FN3K: variants seen among roughly 807,000 people sequenced by gnomAD.
FN3K encodes the protein fructosamine 3 kinase, also known as fructosamine-3-kinase.
In FN3K, 24 loss-of-function variants were observed where a neutral mutation model predicts 24.8. The ratio of observed to expected loss-of-function variants is 0.97; its 90% CI spans 0.70 to 1.36. The LOEUF (loss-of-function observed/expected upper bound fraction) is 1.36, where lower values mean the gene tolerates loss of function less well. Ranked by LOEUF, FN3K falls within the 40% of genes most tolerant of loss-of-function variation. The pLI, the probability that FN3K is intolerant of heterozygous loss-of-function variation, is 0.00. For missense variants in FN3K, 449 were observed against 416.7 expected (o/e 1.08, Z -0.67); for synonymous variants, 192 against 175.2 (o/e 1.10, Z -0.76).
Position 82,750,892 on chromosome 17 carries a change from C to T in FN3K, c.*137C>T. 4.0e-6 allele frequency: 2 copies of T among 503,830 alleles called. No homozygotes were observed. The highest frequency in any genetic ancestry group is 3.4e-6 in the Non-Finnish European group (1 of 294,084). The allele number at this position is 503,830 out of a possible 1,614,324, so 31.2% of individuals were successfully genotyped here. A position where few individuals can be genotyped will look rare whatever the true frequency, so the allele number is the denominator to read the frequency against. On this transcript the variant is annotated 3_prime_UTR_variant, in exon 6 of 6. Transcript: ENST00000300784. ...CGTCCCTCCGTCTCCATCCCCCCGT[C>T]CCCCCATCCTCCTGTCCCCGTCCCC...
chr17:82,744,315 C>T (rs1451178702), intron 4 of FN3K, among the ~76,000 whole-genome samples: 4 of 152,122 alleles, frequency 2.6e-5, no homozygotes, highest in Non-Finnish European at 5.9e-5. Flanking sequence ...ATAAATTGCA[C>T]CCATTTAAAA....
chr17:82,747,955 T>C (rs1213931546), intron 4 of FN3K, among the ~76,000 whole-genome samples: 1 of 152,200 alleles, frequency 6.6e-6, no homozygotes, highest in African/African-American at 2.4e-5. Context: ...ATTGAGTCAA[T>C]AGCAGGATAT....
At chr17:82,748,658 T>C (rs1050249711) in intron 4 of FN3K, among the ~76,000 whole-genome samples, 197 bp from the exon 5 acceptor site, 2 of 152,214 alleles carry the variant, frequency 1.3e-5, no homozygotes, top group African/African-American at 4.8e-5. Flanking sequence ...TCTGTCATCT[T>C]GCAATTTGTT....
At chr17:82,741,891 A>G (rs578138620) in intron 4 of FN3K, among the ~76,000 whole-genome samples, 1 of 152,212 alleles carries the variant, frequency 6.6e-6, no homozygotes, top group African/African-American at 2.4e-5. Context: ...ACTCCAGAAC[A>G]TTTTCTTTCT....
intron 4 of FN3K, chr17:82,745,315 A>G (rs183731962): frequency 1.7e-4 from 31 of 184,392 alleles, no homozygotes; most frequent in Admixed American, 1.6e-3. Context: ...CCCTTAATCC[A>G]TTTAACCCTG....
intron 4 of FN3K, among the ~76,000 whole-genome samples, chr17:82,746,790 A>G (rs1225045382): frequency 6.6e-6 from 1 of 152,010 alleles, no homozygotes; most frequent in African/African-American, 2.4e-5. Context: ...GGCAACAAGA[A>G]CAAAACTTGG....
chr17:82,736,312 G>C (rs2046900707), intron 1 of FN3K: 1 of 152,532 alleles, frequency 6.6e-6, no homozygotes, highest in Non-Finnish European at 1.5e-5. Context: ...GAGGTGAGTG[G>C]ATCCCTGAGG....
intron 2 of FN3K, among the ~76,000 whole-genome samples, chr17:82,738,942 ATATATTT>A (rs754023843): frequency 3.7e-5 from 4 of 106,716 alleles, no homozygotes; most frequent in African/African-American, 8.3e-5. Context: ...ATATATATAT[ATATATTT>A]TTTTTTTTTT....
chr17:82,746,804 C>CA lies in FN3K; in HGVS notation c.469-2041dup, dbSNP rs200854197. Reference sequence around the variant, plus strand: ...GGGCAACAAGAACAAAACTTGGTCTCAAAAAAAAAATTTCCTTATTATCCT... The same window carrying CA: ...GGGCAACAAGAACAAAACTTGGTCTCAAAAAAAAAAATTTCCTTATTATCCT... On this transcript the variant is annotated intron_variant, in intron 4 of 5. Transcript: ENST00000300784. Among the ~76,000 whole-genome samples, 1,403 of 148,982 alleles carry CA rather than the reference C, an allele frequency of 9.4e-3. 19 individuals carry two copies. Among genetic ancestry groups the CA allele is most frequent in the African/African-American group, 0.033 (1,354 of 40,692 alleles).
At position 82,735,744 on chromosome 17, in the gene FN3K, C is replaced by T. The variant is rs1477262041; in HGVS notation, c.108C>T (p.Gly36=). ...SEGRAYDTDA[G]PVFVKVNRRT... is the part of the protein sequence containing the mutation. Reference sequence around the variant, plus strand: ...GCCGAGCCTACGACACGGACGCAGGCCCAGTGTTCGTCAAAGTCAACCGCA... The same window carrying T: ...GCCGAGCCTACGACACGGACGCAGGTCCAGTGTTCGTCAAAGTCAACCGCA... The change falls in exon 1 of 6, where the codon GGC becomes GGT. Residue 36 remains glycine, a synonymous_variant. Coordinates refer to ENST00000300784, the MANE Select transcript of FN3K (RefSeq NM_022158.4). The T allele has an allele frequency of 1.9e-6, 3 of 1,562,774 alleles. No individual in the cohort carries two copies. The highest frequency in any genetic ancestry group is 1.3e-5 in the African/African-American group (1 of 74,152).
chr17:82,744,662 A>G (rs2143647906), intron 4 of FN3K, among the ~76,000 whole-genome samples: 1 of 152,254 alleles, frequency 6.6e-6, no homozygotes, highest in Non-Finnish European at 1.5e-5. Flanking sequence ...AGCGTTCAGC[A>G]TATGGAGGAT....
At chr17:82,738,252 C>A in intron 1 of FN3K, 1 of 554,944 alleles carries the variant, frequency 1.8e-6, no homozygotes. Flanking sequence ...GTCACAGCAG[C>A]CTGCAGACCC....
Position 82,746,508 on chromosome 17 carries a change from C to T in FN3K, c.469-2347C>T, listed in dbSNP as rs1164532347. On this transcript the variant is annotated intron_variant, in intron 4 of 5. Coordinates refer to ENST00000300784, the MANE Select transcript of FN3K (RefSeq NM_022158.4). Reference sequence around the variant, plus strand: ...TGTTGTTTGTGTATTTTCTTGGAAGCGTCCTTCAGAGGCTGGGCATGGTGG... The same window carrying T: ...TGTTGTTTGTGTATTTTCTTGGAAGTGTCCTTCAGAGGCTGGGCATGGTGG... Among the ~76,000 whole-genome samples the T allele has an allele frequency of 3.3e-5, 5 of 151,862 alleles. No individual in the cohort carries two copies. The East Asian group carries it at 9.7e-4, about 30-fold the overall frequency.
intron 4 of FN3K, 70 bp from the exon 5 acceptor site, chr17:82,748,785 G>A: frequency 6.2e-7 from 1 of 1,609,624 alleles, no homozygotes; most frequent in Non-Finnish European, 8.5e-7. Context: ...GGTTTTGAAT[G>A]GTCCCTCTAG....
chr17:82,750,497 T>C lies in FN3K; in HGVS notation c.672T>C (p.Ala224=). 6.2e-7 allele frequency: 1 copy of C among 1,614,166 alleles called. No homozygotes were observed. The highest frequency in any genetic ancestry group is 1.1e-5 in the South Asian group (1 of 91,086). ...GGGATCTCTGGTCGGGAAACGTGGC[T>C]GAGGACGACGTGGGGCCCATTATTT... ...LHGDLWSGNV[A]EDDVGPIIYD... is the part of the protein sequence containing the mutation. The change falls in exon 6 of 6, where the codon GCT becomes GCC. Residue 224 remains alanine, a synonymous_variant. Transcript: ENST00000300784.
rs1157191822 is a variant in FN3K, at chr17:82,750,561, C to A, written c.736C>A (p.Leu246Met). 1 of 1,614,052 alleles carries A rather than the reference C, an allele frequency of 6.2e-7. No individual in the cohort carries two copies. The highest frequency in any genetic ancestry group is 2.2e-5 in the East Asian group (1 of 44,898). ...CTTCTATGGCCATTCCGAGTTTGAA[C>A]TGGCAATCGCCTTGATGTTTGGGGG... ...ASFYGHSEFE[L>M]AIALMFGGFP... is the part of the protein sequence containing the mutation. The change falls in exon 6 of 6, where the codon CTG (leucine) becomes ATG (methionine). Residue 246 changes from leucine (L) to methionine (M), a missense_variant. Transcript: ENST00000300784.
rs1245811754 is a variant in FN3K at position 82,742,840 on chromosome 17, G to A, written c.468+1447G>A. On this transcript the variant is annotated intron_variant, in intron 4 of 5. Coordinates refer to ENST00000300784, the MANE Select transcript of FN3K (RefSeq NM_022158.4). ...ATACTTTCAAATCTGTCTCCTTGTC[G>A]ACGCCCGTCCTGACTAGTTGGGTCC... 9 of 411,684 alleles carry A rather than the reference G, an allele frequency of 2.2e-5. No individual in the cohort carries two copies. In the Admixed American group the frequency reaches 2.4e-4, roughly 11 times the overall value. 25.5% of individuals were successfully genotyped at this position (411,684 alleles called of 1,614,324 possible).
chr17:82,749,569 C>A, intron 5 of FN3K: 1 of 170,962 alleles, frequency 5.8e-6, no homozygotes, highest in Non-Finnish European at 1.3e-5. Flanking sequence ...GAGGCTGAGG[C>A]AGGAGAATCA....
At chr17:82,738,666 G>A (rs2253132) in intron 2 of FN3K, 26 bp downstream of exon 2, 1,612,985 of 1,613,380 alleles carry the variant, frequency 1, 806,295 homozygotes, top group Middle Eastern at 1. Flanking sequence ...ACCCATATGC[G>A]CACATGTGTA....
Sources: gnomAD v4.1 joint callset for allele counts (sites outside exome capture counted in the v4.1 genomes callset) on GRCh38, gnomAD v4.1.1 for gene constraint, MANE v1.5 for transcripts, NCBI Gene and HGNC (gene_info 2026-07-23, HGNC 2026-07-21) for gene names.